Variants in AIG1 observed in about 807,000 individuals in gnomAD.
AIG1 encodes the protein androgen-induced gene 1 protein.
In AIG1, 23 loss-of-function variants were observed where a neutral mutation model predicts 31.4. That is an observed-to-expected ratio of 0.73 (90% CI 0.53 to 1.04). The LOEUF (loss-of-function observed/expected upper bound fraction) is 1.04. Among genes scored for constraint, AIG1 ranks in the 50% least tolerant of loss-of-function variants. The pLI is 0.00. For missense variants in AIG1, 274 were observed against 295.0 expected, an observed-to-expected ratio of 0.93 and a Z score of 0.52; for synonymous variants, 100 against 110.5, an observed-to-expected ratio of 0.90 and a Z score of 0.60.
intron 5 of AIG1, among the ~76,000 whole-genome samples, chr6:143,337,124 C>T (rs1424539085): frequency 6.6e-6 from 1 of 152,234 alleles, no homozygotes; most frequent in Non-Finnish European, 1.5e-5. Flanking sequence ...AATAGTTCTA[C>T]CCTCTACAAC....
chr6:143,164,372 A>C (rs1483332635), intron 2 of AIG1, among the ~76,000 whole-genome samples: 2 of 152,152 alleles, frequency 1.3e-5, no homozygotes, highest in African/African-American at 4.8e-5. Context: ...AAGAAGGGTA[A>C]AATAATACAT....
chr6:143,151,400 T>C (rs1583335956), intron 2 of AIG1, among the ~76,000 whole-genome samples: 1 of 152,212 alleles, frequency 6.6e-6, no homozygotes, highest in Non-Finnish European at 1.5e-5. Flanking sequence ...GAAACAAATA[T>C]GCCAGCCTCT....
intron 4 of AIG1, among the ~76,000 whole-genome samples, chr6:143,310,667 T>C (rs575737657): frequency 5.2e-4 from 79 of 151,154 alleles, no homozygotes; most frequent in Non-Finnish European, 9.5e-4. Context: ...AGGCTGATTA[T>C]TGTAACAGAT....
chr6:143,134,045 G>T (rs1783505207), intron 1 of AIG1, among the ~76,000 whole-genome samples: 1 of 151,830 alleles, frequency 6.6e-6, no homozygotes, highest in Non-Finnish European at 1.5e-5. Flanking sequence ...AGAAGGGAAG[G>T]ATTTGAAAGA....
intron 1 of AIG1, among the ~76,000 whole-genome samples, chr6:143,131,911 A>G (rs908425811): frequency 6.6e-6 from 1 of 152,254 alleles, no homozygotes; most frequent in African/African-American, 2.4e-5. Context: ...GACAACTAAT[A>G]CATTAGCTGA....
At chr6:143,242,953 G>A (rs1015057908) in intron 3 of AIG1, among the ~76,000 whole-genome samples, 1 of 152,142 alleles carries the variant, frequency 6.6e-6, no homozygotes, top group Non-Finnish European at 1.5e-5. Context: ...GTGAAGTGCT[G>A]TTACTGAGAC....
At chr6:143,155,326 T>C (rs1785635049) in intron 2 of AIG1, among the ~76,000 whole-genome samples, 1 of 152,166 alleles carries the variant, frequency 6.6e-6, no homozygotes, top group Non-Finnish European at 1.5e-5. Flanking sequence ...TGTAATGTGC[T>C]ATGACAGCAT....
chr6:143,171,517 T>A (rs1284673494), intron 3 of AIG1, among the ~76,000 whole-genome samples: 19 of 129,174 alleles, frequency 1.5e-4, no homozygotes, highest in African/African-American at 5.5e-4. Context: ...ATATATATAA[T>A]ATATATATTT....
intron 3 of AIG1, among the ~76,000 whole-genome samples, chr6:143,218,790 C>T (rs1019230333): frequency 6.6e-6 from 1 of 152,208 alleles, no homozygotes; most frequent in African/African-American, 2.4e-5. Flanking sequence ...TTATTATCTT[C>T]CTGAACCTCT....
chr6:143,115,972 A>T (rs1304858878), intron 1 of AIG1, among the ~76,000 whole-genome samples: 1 of 152,222 alleles, frequency 6.6e-6, no homozygotes, highest in Non-Finnish European at 1.5e-5. Context: ...CTTAGTGCAC[A>T]TCTAGCCCCT....
intron 2 of AIG1, among the ~76,000 whole-genome samples, chr6:143,142,542 T>C (rs185804570): frequency 6.6e-6 from 1 of 152,278 alleles, no homozygotes; most frequent in African/African-American, 2.4e-5. Flanking sequence ...GGTATGAAGA[T>C]GATAGCCCTT....
chr6:143,233,330 T>C (rs1342046228), intron 3 of AIG1, among the ~76,000 whole-genome samples: 6 of 152,170 alleles, frequency 3.9e-5, no homozygotes, highest in South Asian at 4.1e-4. Flanking sequence ...TGAGATTATA[T>C]GACCTTGGGT....
At chr6:143,337,975 C>T (rs1777633956) in intron 5 of AIG1, 1 of 398,554 alleles carries the variant, frequency 2.5e-6, no homozygotes, top group African/African-American at 2.1e-5. Context: ...GTCTACCTCA[C>T]AGCTGCCAAA....
At chr6:143,174,430 T>C (rs1787937247) in intron 3 of AIG1, among the ~76,000 whole-genome samples, 1 of 135,282 alleles carries the variant, frequency 7.4e-6, no homozygotes, top group Admixed American at 9.0e-5. Context: ...GAAGTTGCAG[T>C]GAGCAGAGAC....
intron 2 of AIG1, among the ~76,000 whole-genome samples, chr6:143,144,079 C>T (rs376315679): frequency 9.1e-4 from 138 of 152,288 alleles, no homozygotes; most frequent in African/African-American, 3.2e-3. Context: ...CTTAGGTGAC[C>T]TATTTAATTT....
intron 1 of AIG1, among the ~76,000 whole-genome samples, chr6:143,122,162 A>T (rs1782294175): frequency 6.6e-6 from 1 of 152,184 alleles, no homozygotes; most frequent in South Asian, 2.1e-4. Context: ...AAGTTTCCAG[A>T]TGAGTACTGC....
chr6:143,333,279 C>T lies in AIG1; in HGVS notation c.516-3C>T, dbSNP rs769957263. 1 of 1,600,858 alleles carries T rather than the reference C, an allele frequency of 6.2e-7. No individual in the cohort carries two copies. The highest frequency in any genetic ancestry group is 8.5e-7 in the Non-Finnish European group (1 of 1,174,778). On this transcript the variant is annotated splice_region_variant and splice_polypyrimidine_tract_variant and intron_variant, in intron 4 of 5. Transcript: ENST00000357847. This position sits in a 1 kb window ranked among gnomAD's most constrained non-coding sequence, Gnocchi z 4.6. ...CCTTGTCTCCTTTCCGATTCTTTTG[C>T]AGGGTGTGCTGGGTGCATCATGTAA...
intron 4 of AIG1, among the ~76,000 whole-genome samples, chr6:143,308,486 G>A (rs989602690): frequency 2.6e-5 from 4 of 152,114 alleles, no homozygotes; most frequent in African/African-American, 9.7e-5. Context: ...TGTCTCTATT[G>A]TCTAAAATAA....
chr6:143,270,871 G>C (rs759350410), intron 3 of AIG1, among the ~76,000 whole-genome samples: 17 of 152,144 alleles, frequency 1.1e-4, no homozygotes, highest in Admixed American at 2.6e-4. Flanking sequence ...GTGTGTGTTT[G>C]CATGTGTGCA....
Sources: gnomAD v4.1 joint callset for allele counts (sites outside exome capture counted in the v4.1 genomes callset) on GRCh38, gnomAD v4.1.1 for gene constraint, Gnocchi (gnomAD v3.1) non-coding constraint, MANE v1.5 for transcripts, NCBI Gene and HGNC (gene_info 2026-07-23, HGNC 2026-07-21) for gene names.